CPEB2: variants seen among roughly 807,000 people sequenced by gnomAD.
CPEB2 encodes the protein cytoplasmic polyadenylation element-binding protein 2.
Under a neutral mutation model 93.6 loss-of-function variants are expected in CPEB2, and 56 were observed. That is an observed-to-expected ratio of 0.60 (90% CI 0.48 to 0.75). The LOEUF (loss-of-function observed/expected upper bound fraction) is 0.75. Among genes scored for constraint, CPEB2 ranks in the 30% least tolerant of loss-of-function variants. The pLI, the probability that CPEB2 is intolerant of heterozygous loss-of-function variation, is 0.00. For missense variants in CPEB2, 1,579 were observed against 1,395.1 expected, an observed-to-expected ratio of 1.13 and a Z score of -2.10; for synonymous variants, 764 against 586.3, an observed-to-expected ratio of 1.30 and a Z score of -4.38.
chr4:15,011,611 A>C (rs1192016916), intron 3 of CPEB2, among the ~76,000 whole-genome samples: 1 of 152,172 alleles, frequency 6.6e-6, no homozygotes, highest in Non-Finnish European at 1.5e-5. Context: ...AGCCTCGGCA[A>C]CATAACAAGA....
At chr4:15,056,667 A>T (rs956593568) in intron 8 of CPEB2, among the ~76,000 whole-genome samples, 1 of 152,186 alleles carries the variant, frequency 6.6e-6, no homozygotes, top group African/African-American at 2.4e-5. Flanking sequence ...AAACACTGGT[A>T]TAGAAGCATC....
At chr4:15,052,865 A>C (rs1432740465) in intron 7 of CPEB2, among the ~76,000 whole-genome samples, 1 of 152,054 alleles carries the variant, frequency 6.6e-6, no homozygotes, top group East Asian at 1.9e-4. Flanking sequence ...ACTTGTTTTT[A>C]AAATATAGAA....
intron 2 of CPEB2, among the ~76,000 whole-genome samples, chr4:15,008,074 A>C (rs1320515102): frequency 1.3e-5 from 2 of 152,144 alleles, no homozygotes; most frequent in African/African-American, 2.4e-5. Flanking sequence ...ATCTTCACTA[A>C]TTCACCGATT....
intron 5 of CPEB2, 58 bp from the exon 6 acceptor site, chr4:15,040,406 A>G: frequency 1.4e-6 from 2 of 1,478,476 alleles, no homozygotes; most frequent in Non-Finnish European, 1.8e-6. Context: ...AAATATTTGT[A>G]TATGTGGGCT....
chr4:15,003,519 T>G lies in CPEB2; in HGVS notation c.846T>G (p.Pro282=), dbSNP rs1372328908. The change falls in exon 1 of 12, where the codon CCT becomes CCG. Residue 282 remains proline (P), a synonymous_variant. Transcript: ENST00000538197. ...PRRRHGGAGS[P]RKTPAAGEGS... is the part of the protein sequence containing the mutation. ...GCCGCCACGGAGGCGCGGGCAGCCC[T>G]CGCAAGACCCCAGCCGCGGGCGAGG... 1 of 1,438,566 alleles carries G rather than the reference T, an allele frequency of 7.0e-7. No individual in the cohort carries two copies. The highest frequency in any genetic ancestry group is 9.1e-7 in the Non-Finnish European group (1 of 1,098,588). The allele number at this position is 1,438,566 out of a possible 1,614,324, so 89.1% of individuals were successfully genotyped here.
intron 3 of CPEB2, among the ~76,000 whole-genome samples, chr4:15,014,837 A>G (rs1166438322): frequency 6.6e-6 from 1 of 152,114 alleles, no homozygotes; most frequent in Admixed American, 6.6e-5. Context: ...AACACAGTAT[A>G]GTGGAAGCAC....
At chr4:15,026,021 C>T (rs1725417960) in intron 4 of CPEB2, among the ~76,000 whole-genome samples, 1 of 152,052 alleles carries the variant, frequency 6.6e-6, no homozygotes, top group African/African-American at 2.4e-5. Flanking sequence ...TTAGGGATTT[C>T]GGAAAGCAAC....
Position 15,004,261 on chromosome 4 carries a change from C to G in CPEB2, c.1588C>G (p.Pro530Ala), listed in dbSNP as rs1246771073. Residue 530 changes from proline to alanine, a missense_variant, in exon 1 of 12, where the codon CCG (proline) becomes GCG (alanine). By Grantham distance (27) the Pro-to-Ala change is conservative (BLOSUM62 -1). Transcript: ENST00000538197. ...QPQSRRSPVS[P>A]QLQQQHQAAA... ...GCAGAGCCGGAGGTCGCCCGTCAGC[C>G]CGCAGCTCCAGCAGCAGCACCAGGC... is the stretch of plus-strand genomic sequence containing the variant. 2 of 1,495,606 alleles carry G rather than the reference C, an allele frequency of 1.3e-6. No homozygotes were observed. Among genetic ancestry groups the G allele is most frequent in the South Asian group, 2.5e-5 (2 of 80,278 alleles). 92.6% of individuals were successfully genotyped at this position (1,495,606 alleles called of 1,614,324 possible). A position where few individuals can be genotyped will look rare whatever the true frequency, so the allele number is the denominator to read the frequency against.
intron 4 of CPEB2, among the ~76,000 whole-genome samples, chr4:15,023,104 C>T (rs1361021133): frequency 4.6e-5 from 7 of 151,926 alleles, no homozygotes; most frequent in Non-Finnish European, 2.9e-5. Context: ...ATTAAAATCA[C>T]ATTTATTTAT....
At chr4:15,065,346 T>C (rs763424359) in intron 11 of CPEB2, among the ~76,000 whole-genome samples, 26 of 152,118 alleles carry the variant, frequency 1.7e-4, no homozygotes, top group Non-Finnish European at 3.2e-4. Context: ...TGAGCTGTTA[T>C]GCTGTCTGGC....
At chr4:15,026,860 C>G (rs760715878) in intron 4 of CPEB2, among the ~76,000 whole-genome samples, 4 of 152,150 alleles carry the variant, frequency 2.6e-5, no homozygotes, top group Non-Finnish European at 5.9e-5. Flanking sequence ...TTTCATAGCA[C>G]AAACTTCATA....
At chr4:15,055,687 C>A (rs952682321) in intron 8 of CPEB2, among the ~76,000 whole-genome samples, 1 of 152,114 alleles carries the variant, frequency 6.6e-6, no homozygotes, top group African/African-American at 2.4e-5. Flanking sequence ...TTAATGGTTT[C>A]TCTTATTTTT....
At chr4:15,064,936 A>G (rs1029697584) in intron 11 of CPEB2, among the ~76,000 whole-genome samples, 1 of 152,162 alleles carries the variant, frequency 6.6e-6, no homozygotes, top group Admixed American at 6.6e-5. Flanking sequence ...GAACTCATAA[A>G]TCAATTTAAA....
intron 1 of CPEB2, chr4:15,005,075 A>AGGAGGGAGTCG (rs1560210211): frequency 1.3e-5 from 2 of 152,184 alleles, no homozygotes. Context: ...CCGCCGGCCC[A>AGGAGGGAGTCG]GGAGGGAGTC....
chr4:15,013,027 T>G (rs957818053), intron 3 of CPEB2, among the ~76,000 whole-genome samples: 8 of 152,036 alleles, frequency 5.3e-5, no homozygotes, highest in African/African-American at 1.7e-4. Context: ...TACACTGACC[T>G]CCTTAGTTAT....
intron 6 of CPEB2, among the ~76,000 whole-genome samples, chr4:15,043,255 G>T (rs542246876): frequency 2.6e-5 from 4 of 152,156 alleles, no homozygotes; most frequent in African/African-American, 9.7e-5. Flanking sequence ...GCTAGCTCCA[G>T]ATATTAATTT....
At chr4:15,043,989 G>T (rs1354933860) in intron 6 of CPEB2, among the ~76,000 whole-genome samples, 1 of 152,046 alleles carries the variant, frequency 6.6e-6, no homozygotes, top group East Asian at 1.9e-4. Context: ...TTTCAATTTG[G>T]AACAATTGTG....
chr4:15,003,687 C>A lies in CPEB2; in HGVS notation c.1014C>A (p.Ala338=). 1.4e-6 allele frequency: 2 copies of A among 1,459,074 alleles called. No individual in the cohort carries two copies. Among genetic ancestry groups the A allele is most frequent in the African/African-American group, 1.5e-5 (1 of 68,148 alleles). 90.4% of individuals were successfully genotyped at this position (1,459,074 alleles called of 1,614,324 possible). ...CCGGAGGTGCGCTTGGCGCGGGCGC[C>A]TTCAGCAGCCTGCAGAGCCCGGACC... The part of the protein sequence containing the change: ...LLPGGALGAG[A]FSSLQSPDLP... Residue 338 remains alanine, a synonymous_variant, in exon 1 of 12, where the codon GCC becomes GCA. Coordinates refer to ENST00000538197, the MANE Select transcript of CPEB2 (RefSeq NM_001177382.2).
chr4:15,016,368 C>G (rs974550348), intron 3 of CPEB2, among the ~76,000 whole-genome samples: 3 of 151,924 alleles, frequency 2.0e-5, no homozygotes, highest in Non-Finnish European at 2.9e-5. Context: ...GAACAGAATA[C>G]AGTAGAAATT....
Sources: allele counts gnomAD v4.1 joint callset (sites outside exome capture counted in the v4.1 genomes callset), GRCh38; gene constraint gnomAD v4.1.1; transcripts MANE v1.5; gene names NCBI Gene and HGNC (gene_info 2026-07-23, HGNC 2026-07-21).